MAGI1: variants seen among roughly 807,000 people sequenced by gnomAD.
MAGI1 encodes membrane-associated guanylate kinase, WW and PDZ domain-containing protein 1.
Under a neutral mutation model 139.9 loss-of-function variants are expected in MAGI1, and 58 were observed. That is an observed-to-expected ratio of 0.41 (90% CI 0.34 to 0.52). The LOEUF (loss-of-function observed/expected upper bound fraction) is 0.52, where lower values mean the gene tolerates loss of function less well. MAGI1 is among the 20% of genes least tolerant of loss of function. MAGI1 has a pLI of 0.12. For synonymous variants in MAGI1, 812 were observed against 737.9 expected, an observed-to-expected ratio of 1.10 and a Z score of -1.63; for missense variants, 1,874 against 1,901.6, an observed-to-expected ratio of 0.99 and a Z score of 0.27.
chr3:65,918,243 G>A (rs550905027), intron 1 of MAGI1, among the ~76,000 whole-genome samples: 72 of 152,178 alleles, frequency 4.7e-4, no homozygotes, highest in African/African-American at 1.7e-3. Context: ...ATACCTAGAA[G>A]GGCATCTGTA....
chr3:65,635,750 T>C (rs1488732144), intron 1 of MAGI1, among the ~76,000 whole-genome samples: 1 of 152,190 alleles, frequency 6.6e-6, no homozygotes, highest in Non-Finnish European at 1.5e-5. Flanking sequence ...TCTCCTACCC[T>C]CCCAGCCTCA....
At chr3:65,847,410 C>A (rs2059043475) in intron 1 of MAGI1, among the ~76,000 whole-genome samples, 1 of 152,102 alleles carries the variant, frequency 6.6e-6, no homozygotes, top group Non-Finnish European at 1.5e-5. Flanking sequence ...TAAGTCCACA[C>A]AGGCCATAAA....
intron 1 of MAGI1, among the ~76,000 whole-genome samples, chr3:65,781,741 A>G (rs547111391): frequency 6.6e-6 from 1 of 152,388 alleles, no homozygotes; most frequent in African/African-American, 2.4e-5. Flanking sequence ...AACATCTATA[A>G]TAATAACAGC....
At chr3:65,794,801 A>C (rs1266135995) in intron 1 of MAGI1, among the ~76,000 whole-genome samples, 1 of 151,908 alleles carries the variant, frequency 6.6e-6, no homozygotes. Flanking sequence ...TAATATGTTC[A>C]ATAAAAAGCT....
At chr3:66,011,281 C>T (rs1329042679) in intron 1 of MAGI1, among the ~76,000 whole-genome samples, 3 of 152,136 alleles carry the variant, frequency 2.0e-5, no homozygotes, top group Non-Finnish European at 4.4e-5. Context: ...CTTTTCTCGA[C>T]AACAAACGTT....
chr3:65,443,350 C>T (rs1948473028), intron 7 of MAGI1, among the ~76,000 whole-genome samples: 1 of 152,298 alleles, frequency 6.6e-6, no homozygotes, highest in Non-Finnish European at 1.5e-5. Flanking sequence ...GGTTTTTGAA[C>T]TGCACACAAC....
chr3:65,844,354 C>T (rs1374498649), intron 1 of MAGI1: 1 of 316,666 alleles, frequency 3.2e-6, no homozygotes, highest in East Asian at 9.4e-5. Context: ...TGAAAAGGTA[C>T]AAATTGTTCC....
chr3:65,794,532 C>T (rs1468515191), intron 1 of MAGI1, among the ~76,000 whole-genome samples: 2 of 152,050 alleles, frequency 1.3e-5, no homozygotes, highest in South Asian at 2.1e-4. Context: ...GTGATAGTCA[C>T]AGAATGAAAA....
intron 12 of MAGI1, among the ~76,000 whole-genome samples, chr3:65,425,812 C>T (rs1344816015): frequency 6.6e-6 from 1 of 152,086 alleles, no homozygotes; most frequent in East Asian, 1.9e-4. Flanking sequence ...ATATTTGACA[C>T]AGAGGGGCAC....
chr3:65,974,372 C>T (rs1365569387), intron 1 of MAGI1, among the ~76,000 whole-genome samples: 16 of 5,766 alleles, frequency 2.8e-3, no homozygotes, highest in African/African-American at 0.011. Flanking sequence ...GATGGGTGGG[C>T]GGGTGGGCGG....
intron 10 of MAGI1, among the ~76,000 whole-genome samples, chr3:65,435,907 T>C (rs532216067): frequency 2.0e-5 from 3 of 152,074 alleles, no homozygotes; most frequent in African/African-American, 4.8e-5. Context: ...TTAAAAGAAC[T>C]GAAAGGAGGC....
intron 1 of MAGI1, among the ~76,000 whole-genome samples, chr3:65,653,423 T>C (rs1322341304): frequency 2.6e-5 from 4 of 152,196 alleles, no homozygotes; most frequent in Non-Finnish European, 2.9e-5. Context: ...GGCTTTCCGA[T>C]GTGCTTAGAA....
intron 1 of MAGI1, among the ~76,000 whole-genome samples, chr3:65,849,049 G>C (rs1198734665): frequency 3.9e-4 from 16 of 41,232 alleles, no homozygotes; most frequent in Non-Finnish European, 6.6e-4. Context: ...TTGAGATGGA[G>C]TTTTGCTCTT....
intron 1 of MAGI1, among the ~76,000 whole-genome samples, chr3:65,901,440 A>G (rs555474438): frequency 1.3e-5 from 2 of 152,368 alleles, no homozygotes; most frequent in African/African-American, 4.8e-5. Flanking sequence ...TGAATACCAC[A>G]TTCTTTTCCT....
At chr3:65,398,676 A>G (rs1944604660) in intron 13 of MAGI1, among the ~76,000 whole-genome samples, 1 of 152,178 alleles carries the variant, frequency 6.6e-6, no homozygotes, top group South Asian at 2.1e-4. Flanking sequence ...TTCAGTCAGG[A>G]TGATTAAGTT....
chr3:65,978,385 A>C (rs2065370317), intron 1 of MAGI1, among the ~76,000 whole-genome samples: 1 of 152,182 alleles, frequency 6.6e-6, no homozygotes, highest in South Asian at 2.1e-4. Flanking sequence ...ACAAGAGCAG[A>C]GACCTGCTCT....
chr3:65,427,694 C>T (rs1276395958), intron 12 of MAGI1, among the ~76,000 whole-genome samples: 1 of 152,106 alleles, frequency 6.6e-6, no homozygotes, highest in African/African-American at 2.4e-5. Context: ...AACCACAGAG[C>T]CAGGGTGAAC....
chr3:65,716,301 TAGAAA>T (rs2032238423), intron 1 of MAGI1, among the ~76,000 whole-genome samples: 1 of 152,192 alleles, frequency 6.6e-6, no homozygotes, highest in African/African-American at 2.4e-5. Flanking sequence ...TGTAATCTGT[TAGAAA>T]ACACACAGAC....
intron 6 of MAGI1, 51 bp downstream of exon 6, chr3:65,453,207 T>C: frequency 2.0e-6 from 3 of 1,527,000 alleles, no homozygotes; most frequent in South Asian, 1.1e-5. Flanking sequence ...AATTTGCACA[T>C]GTGAACAGTG....
Sources: gnomAD v4.1 joint callset for allele counts (sites outside exome capture counted in the v4.1 genomes callset) on GRCh38, gnomAD v4.1.1 for gene constraint, MANE v1.5 for transcripts, NCBI Gene and HGNC (gene_info 2026-07-23, HGNC 2026-07-21) for gene names.